Variants in ZNF423 observed in about 807,000 individuals in gnomAD.
ZNF423 encodes the protein zinc finger protein 423.
ZNF423 carries 12 observed loss-of-function variants against 95.8 expected under a neutral mutation model. That is an observed-to-expected ratio of 0.13 (90% CI 0.08 to 0.20). ZNF423 has a LOEUF of 0.20. Ranked by LOEUF, ZNF423 falls within the 10% of genes least tolerant of loss-of-function variation. ZNF423 has a pLI of 1.00. For synonymous variants in ZNF423, 749 were observed against 711.9 expected, an observed-to-expected ratio of 1.05 and a Z score of -0.83; for missense variants, 1,316 against 1,737.1, an observed-to-expected ratio of 0.76 and a Z score of 4.31.
chr16:49,815,906 ATATATATATTTTT>A (rs2034843566), intron 1 of ZNF423, among the ~76,000 whole-genome samples: 1 of 42,696 alleles, frequency 2.3e-5, no homozygotes, highest in African/African-American at 9.7e-5. Flanking sequence ...ATATATATAT[ATATATATATTTTT>A]TTTTTTTTTT....
chr16:49,851,342 G>T (rs543764715), intron 1 of ZNF423, among the ~76,000 whole-genome samples: 2 of 152,256 alleles, frequency 1.3e-5, no homozygotes, highest in East Asian at 1.9e-4. Context: ...TCAGTGGTAG[G>T]TTCCTTTCGT....
At chr16:49,815,121 C>A (rs2034816897) in intron 1 of ZNF423, among the ~76,000 whole-genome samples, 2 of 152,184 alleles carry the variant, frequency 1.3e-5, no homozygotes, top group African/African-American at 2.4e-5. Flanking sequence ...CGGCAAGTTA[C>A]TCAGACTCTC....
At chr16:49,649,793 A>G (rs1973330174) in intron 3 of ZNF423, among the ~76,000 whole-genome samples, 1 of 152,178 alleles carries the variant, frequency 6.6e-6, no homozygotes, top group Non-Finnish European at 1.5e-5. Flanking sequence ...CCACCCTGGG[A>G]AAGGAAAGGG....
rs1966904535 is a variant in ZNF423 at position 49,490,148 on chromosome 16, G to A, written c.*1127C>T. 1 of 152,264 alleles carries A rather than the reference G, an allele frequency of 6.6e-6. No individual in the cohort carries two copies. The highest frequency in any genetic ancestry group is 6.5e-5 in the Admixed American group (1 of 15,278). 9.4% of individuals were successfully genotyped at this position (152,264 alleles called of 1,614,324 possible). ...ACCTGGCTCTGCTCTGCAGTCCCCA[G>A]TCACACATCTCCGTGCCTCAGAACC... On this transcript the variant is annotated 3_prime_UTR_variant, in exon 8 of 8. Coordinates refer to ENST00000563137, the MANE Select transcript of ZNF423 (RefSeq NM_001379286.1).
intron 3 of ZNF423, among the ~76,000 whole-genome samples, chr16:49,707,173 C>A (rs930505965): frequency 5.9e-5 from 9 of 152,144 alleles, no homozygotes; most frequent in Non-Finnish European, 8.8e-5. Context: ...CCTGCCGGTA[C>A]CCCGACGCCC....
intron 1 of ZNF423, among the ~76,000 whole-genome samples, chr16:49,836,097 A>C (rs764268143): frequency 3.9e-5 from 6 of 152,202 alleles, no homozygotes; most frequent in Non-Finnish European, 8.8e-5. Context: ...GGGAAAACAC[A>C]GTAGAAAGGA....
chr16:49,841,503 A>G (rs2035182255), intron 1 of ZNF423, among the ~76,000 whole-genome samples: 1 of 152,226 alleles, frequency 6.6e-6, no homozygotes, highest in South Asian at 2.1e-4. Context: ...TGCATAGCCC[A>G]GTGCCTGTAT....
chr16:49,621,666 C>T (rs1179656689), intron 5 of ZNF423, among the ~76,000 whole-genome samples: 5 of 152,162 alleles, frequency 3.3e-5, no homozygotes, highest in South Asian at 4.1e-4. Flanking sequence ...CTTTTACCCC[C>T]GTCAGCGGCA....
rs1966941720 is a variant in ZNF423, at chr16:49,491,161, G to C, written c.*114C>G. 5 of 1,267,776 alleles carry C rather than the reference G, an allele frequency of 3.9e-6. No homozygotes were observed. Among genetic ancestry groups the C allele is most frequent in the Non-Finnish European group, 5.8e-6 (5 of 868,196 alleles). 78.5% of individuals were successfully genotyped at this position (1,267,776 alleles called of 1,614,324 possible). On this transcript the variant is annotated 3_prime_UTR_variant, in exon 8 of 8. Coordinates refer to ENST00000563137, the MANE Select transcript of ZNF423 (RefSeq NM_001379286.1). ...GCAGCGCCTCATGGCCAAATCATTA[G>C]AGTTTTACATCTGGGTTGCAAATGA... is the stretch of plus-strand genomic sequence containing the variant.
chr16:49,712,201 G>A (rs2032564864), intron 3 of ZNF423, among the ~76,000 whole-genome samples: 1 of 152,142 alleles, frequency 6.6e-6, no homozygotes, highest in South Asian at 2.1e-4. Flanking sequence ...AAATAATGAG[G>A]GAAGGCCTTC....
chr16:49,822,812 T>C, intron 1 of ZNF423: 2 of 1,188,486 alleles, frequency 1.7e-6, no homozygotes, highest in Non-Finnish European at 2.3e-6. Flanking sequence ...ATAACACTTG[T>C]ATACCCATTT....
intron 5 of ZNF423, among the ~76,000 whole-genome samples, chr16:49,622,036 C>T (rs543793726): frequency 6.6e-6 from 1 of 152,200 alleles, no homozygotes; most frequent in African/African-American, 2.4e-5. Context: ...GGCTCCCTAG[C>T]GCTTAAGTCC....
intron 2 of ZNF423, among the ~76,000 whole-genome samples, chr16:49,786,689 T>C (rs138228378): frequency 7.9e-5 from 12 of 152,324 alleles, no homozygotes; most frequent in African/African-American, 2.9e-4. Flanking sequence ...GGCTCTGGCT[T>C]CTGGAGGACT....
At chr16:49,579,303 C>A (rs2151799231) in intron 5 of ZNF423, among the ~76,000 whole-genome samples, 1 of 150,708 alleles carries the variant, frequency 6.6e-6, no homozygotes, top group Non-Finnish European at 1.5e-5. Flanking sequence ...GCCCACTGAC[C>A]AGATCTCCAT....
intron 2 of ZNF423, among the ~76,000 whole-genome samples, chr16:49,740,108 A>G (rs1011041544): frequency 1.3e-5 from 2 of 151,834 alleles, no homozygotes; most frequent in African/African-American, 2.4e-5. Context: ...GCCTCAAGTA[A>G]TCCCACCTCA....
upstream of ZNF423, among the ~76,000 whole-genome samples, chr16:49,858,945 C>T (rs2035402372): frequency 6.6e-6 from 1 of 152,170 alleles, no homozygotes; most frequent in South Asian, 2.1e-4. This position sits in a 1 kb window ranked among gnomAD's most constrained non-coding sequence, Gnocchi z 4.3. Flanking sequence ...CGATTGGCCT[C>T]GGCTCTGGGG....
At chr16:49,830,201 G>T (rs187710585) in intron 1 of ZNF423, among the ~76,000 whole-genome samples, 2 of 152,306 alleles carry the variant, frequency 1.3e-5, no homozygotes, top group East Asian at 3.9e-4. Context: ...AGGAGAAGGA[G>T]CCAGGCAGGC....
chr16:49,836,479 G>A (rs111599987), intron 1 of ZNF423, among the ~76,000 whole-genome samples: 149 of 152,194 alleles, frequency 9.8e-4, no homozygotes, highest in African/African-American at 3.4e-3. Context: ...AGAAGATTCC[G>A]GCATGGTGCT....
In ZNF423 at chr16:49,817,867, A is replaced by G. The variant is rs1328276569; in HGVS notation, c.41-28321T>C. Among the ~76,000 whole-genome samples, 16 of 152,178 alleles carry G rather than the reference A, an allele frequency of 1.1e-4. No individual in the cohort carries two copies. The East Asian group carries it at 3.1e-3, about 29-fold the overall frequency. On this transcript the variant is annotated intron_variant, in intron 1 of 7. Coordinates refer to ENST00000563137, the MANE Select transcript of ZNF423 (RefSeq NM_001379286.1). Reference sequence around the variant, plus strand: ...TATCAATGAAGAGAATACGAGGCCCAGAGAGGTTAAGACACCATTTCAGGA... The same window carrying G: ...TATCAATGAAGAGAATACGAGGCCCGGAGAGGTTAAGACACCATTTCAGGA...
Sources: gnomAD v4.1 joint callset for allele counts (sites outside exome capture counted in the v4.1 genomes callset) on GRCh38, gnomAD v4.1.1 for gene constraint, Gnocchi (gnomAD v3.1) non-coding constraint, MANE v1.5 for transcripts, NCBI Gene and HGNC (gene_info 2026-07-23, HGNC 2026-07-21) for gene names.